Variants in CNTNAP4 observed in about 807,000 individuals in gnomAD.
CNTNAP4 encodes contactin-associated protein-like 4.
A neutral mutation model predicts 148.4 loss-of-function variants in CNTNAP4; 98 were observed. That is an observed-to-expected ratio of 0.66 (90% confidence interval 0.56 to 0.78). The LOEUF is 0.78. CNTNAP4 is among the 30% of genes least tolerant of loss of function. The probability of loss-of-function intolerance (pLI) is 0.00; values close to 1 mark genes in which losing one functional copy is unlikely to be tolerated. For synonymous variants in CNTNAP4, 730 were observed against 565.1 expected, an observed-to-expected ratio of 1.29 and a Z score of -4.14; for missense variants, 1,935 against 1,565.6, an observed-to-expected ratio of 1.24 and a Z score of -3.98.
At chr16:76,460,773 A>AAAAAAAATATATATATATATATATAT in intron 8 of CNTNAP4, among the ~76,000 whole-genome samples, 11 of 57,240 alleles carry the variant, frequency 1.9e-4, no homozygotes, top group East Asian at 5.1e-4. Context: ...AAAAAAAAAA[A>AAAAAAAATATATATATATATATATAT]ATATATATAT....
At chr16:76,310,044 C>T in intron 1 of CNTNAP4, 2 of 595,458 alleles carry the variant, frequency 3.4e-6, no homozygotes, top group South Asian at 4.0e-5. Context: ...AGACAGAAGT[C>T]TGGCTTCCTG....
chr16:76,370,965 G>C (rs1342947595), intron 3 of CNTNAP4, among the ~76,000 whole-genome samples: 3 of 109,444 alleles, frequency 2.7e-5, no homozygotes, highest in Non-Finnish European at 5.6e-5. Flanking sequence ...AGTAGGCAAA[G>C]CTAGCCAAGA....
At chr16:76,377,650 C>A (rs1187507448) in intron 3 of CNTNAP4, among the ~76,000 whole-genome samples, 1 of 152,062 alleles carries the variant, frequency 6.6e-6, no homozygotes, top group Non-Finnish European at 1.5e-5. Flanking sequence ...GCCAGAGGAC[C>A]TCAGTCTGGA....
At chr16:76,421,818 T>C (rs2079200597) in intron 3 of CNTNAP4, among the ~76,000 whole-genome samples, 1 of 152,168 alleles carries the variant, frequency 6.6e-6, no homozygotes. Context: ...TGTTTCTTTG[T>C]TGAACTTCTA....
intron 3 of CNTNAP4, among the ~76,000 whole-genome samples, chr16:76,393,778 G>T (rs151186095): frequency 3.3e-5 from 5 of 152,146 alleles, no homozygotes; most frequent in African/African-American, 1.2e-4. Flanking sequence ...TCAGCCTGCG[G>T]TGCTATGAGA....
At chr16:76,342,046 C>G (rs1206453972) in intron 2 of CNTNAP4, among the ~76,000 whole-genome samples, 1 of 152,134 alleles carries the variant, frequency 6.6e-6, no homozygotes, top group Non-Finnish European at 1.5e-5. Context: ...TCTACAGATG[C>G]AGTATGTCAG....
intron 3 of CNTNAP4, among the ~76,000 whole-genome samples, chr16:76,395,268 T>TGA (rs1477592389): frequency 1.6e-5 from 2 of 127,228 alleles, no homozygotes; most frequent in Non-Finnish European, 1.8e-5. Flanking sequence ...AGGCCAAAGA[T>TGA]TCTTTTTTTT....
intron 1 of CNTNAP4, among the ~76,000 whole-genome samples, chr16:76,299,889 A>G (rs1959758694): frequency 2.0e-5 from 3 of 152,132 alleles, no homozygotes; most frequent in African/African-American, 2.4e-5. Context: ...GCAAACTATC[A>G]CAAGGACAAA....
At chr16:76,340,794 C>G (rs1180640740) in intron 2 of CNTNAP4, among the ~76,000 whole-genome samples, 3 of 152,184 alleles carry the variant, frequency 2.0e-5, no homozygotes, top group African/African-American at 7.2e-5. Flanking sequence ...ATTAATACAA[C>G]AACCCCAAGA....
Position 76,351,648 on chromosome 16 carries a change from A to G in CNTNAP4, c.197-3670A>G, listed in dbSNP as rs532856436. ...TTTATCAGTGTACCTCATTAATGAT[A>G]TAGCTTAATTTGCATACCAGTAGTA... On this transcript the variant is annotated intron_variant, in intron 2 of 23. Transcript: ENST00000611870. 2.0e-5 allele frequency among the ~76,000 whole-genome samples: 3 copies of G among 152,330 alleles called. No individual in the cohort carries two copies. In the South Asian group the frequency reaches 6.2e-4, roughly 32 times the overall value.
intron 3 of CNTNAP4, among the ~76,000 whole-genome samples, chr16:76,373,574 C>T (rs550857493): frequency 4.6e-5 from 7 of 152,036 alleles, no homozygotes; most frequent in Non-Finnish European, 1.0e-4. Context: ...GGACATTTGT[C>T]CAGAAGTAGC....
intron 3 of CNTNAP4, among the ~76,000 whole-genome samples, chr16:76,425,935 G>A (rs377127183): frequency 2.3e-4 from 35 of 152,270 alleles, no homozygotes; most frequent in African/African-American, 7.7e-4. Flanking sequence ...GGAAGACATT[G>A]GGGGTGATGG....
intron 3 of CNTNAP4, among the ~76,000 whole-genome samples, chr16:76,372,348 C>G (rs1336428377): frequency 2.0e-5 from 3 of 150,632 alleles, no homozygotes; most frequent in Admixed American, 1.3e-4. Context: ...CAGAGTTTCA[C>G]TGTGTTAGCC....
chr16:76,280,502 T>C (rs1242246794), intron 1 of CNTNAP4, among the ~76,000 whole-genome samples: 1 of 152,178 alleles, frequency 6.6e-6, no homozygotes, highest in Non-Finnish European at 1.5e-5. Flanking sequence ...ACTCATGTGC[T>C]TGCATATTTT....
At chr16:76,475,027 G>T (rs1188702081) in intron 10 of CNTNAP4, among the ~76,000 whole-genome samples, 1 of 152,290 alleles carries the variant, frequency 6.6e-6, no homozygotes, top group African/African-American at 2.4e-5. Context: ...AGGCGTGGTG[G>T]CACAAGCCTG....
At chr16:76,522,715 T>C (rs866831112) in intron 17 of CNTNAP4, among the ~76,000 whole-genome samples, 4,776 of 42,394 alleles carry the variant, frequency 0.11, 756 homozygotes, top group Non-Finnish European at 0.12. Context: ...TCTTTTCTTT[T>C]CTTTTCTTTT....
chr16:76,545,220 C>G (rs992878613), intron 21 of CNTNAP4, among the ~76,000 whole-genome samples: 1 of 152,050 alleles, frequency 6.6e-6, no homozygotes, highest in Admixed American at 6.5e-5. Flanking sequence ...ATGTCATAGA[C>G]TGTCTTCAGT....
At chr16:76,538,416 T>C in intron 19 of CNTNAP4, 76 bp downstream of exon 19, 5 of 1,123,602 alleles carry the variant, frequency 4.4e-6, no homozygotes, top group Middle Eastern at 2.1e-4. Flanking sequence ...CATTCTCGTG[T>C]TCTGGCTTCT....
In CNTNAP4 at chr16:76,540,762, C is replaced by T; in HGVS notation, c.3414C>T (p.Val1138=). 2 of 1,575,070 alleles carry T rather than the reference C, an allele frequency of 1.3e-6. No homozygotes were observed. The highest frequency in any genetic ancestry group is 8.6e-7 in the Non-Finnish European group (1 of 1,158,380). Residue 1138 remains valine (V), a synonymous_variant, in exon 21 of 24, where the codon GTC becomes GTT. Coordinates refer to ENST00000611870, the MANE Select transcript of CNTNAP4 (RefSeq NM_033401.5). ...CATCAGGCACAGAATTCAGTGCAGT[C>T]AAATCTCTGGTATTGGGCAGGATTT... ...HLSSGTEFSA[V]KSLVLGRILE...
Sources: gnomAD v4.1 joint callset for allele counts (sites outside exome capture counted in the v4.1 genomes callset) on GRCh38, gnomAD v4.1.1 for gene constraint, MANE v1.5 for transcripts, NCBI Gene and HGNC (gene_info 2026-07-23, HGNC 2026-07-21) for gene names.